The following ZNF609 variants were observed in gnomAD, a reference collection of about 807,000 sequenced individuals.
ZNF609 encodes zinc finger protein 609.
ZNF609 carries 11 observed loss-of-function variants against 109.5 expected under a neutral mutation model. The observed-to-expected ratio is 0.10, with a 90% CI of 0.06 to 0.17. The LOEUF is 0.17. Ranked by LOEUF, ZNF609 falls within the 10% of genes least tolerant of loss-of-function variation. The probability of loss-of-function intolerance (pLI) is 1.00; values close to 1 mark genes in which losing one functional copy is unlikely to be tolerated. For missense variants in ZNF609, 1,559 were observed against 1,772.4 expected, an observed-to-expected ratio of 0.88 and a Z score of 2.16; for synonymous variants, 646 against 662.0, an observed-to-expected ratio of 0.98 and a Z score of 0.37.
chr15:64,633,311 C>G (rs1461643917), intron 3 of ZNF609, among the ~76,000 whole-genome samples: 1 of 152,092 alleles, frequency 6.6e-6, no homozygotes, highest in Non-Finnish European at 1.5e-5. Context: ...CCCCATCTGG[C>G]TAATTTTGTA....
chr15:64,507,263 GC>G (rs545033073), intron 2 of ZNF609, among the ~76,000 whole-genome samples: 44 of 152,162 alleles, frequency 2.9e-4, no homozygotes, highest in Non-Finnish European at 5.3e-4. Context: ...CTAAGTCTTA[GC>G]CCTTAATCTT....
chr15:64,565,004 C>G (rs529097519), intron 2 of ZNF609, among the ~76,000 whole-genome samples: 2 of 150,606 alleles, frequency 1.3e-5, no homozygotes, highest in East Asian at 1.9e-4. Flanking sequence ...CCTGCCACCA[C>G]GCCTGGCTAA....
At chr15:64,555,500 C>T (rs1334757491) in intron 2 of ZNF609, among the ~76,000 whole-genome samples, 1 of 151,714 alleles carries the variant, frequency 6.6e-6, no homozygotes, top group African/African-American at 2.4e-5. Flanking sequence ...CTCGTCTCTA[C>T]TAAAAATACA....
At chr15:64,651,115 A>G (rs1896409840) in intron 3 of ZNF609, among the ~76,000 whole-genome samples, 1 of 152,142 alleles carries the variant, frequency 6.6e-6, no homozygotes, top group Non-Finnish European at 1.5e-5. Flanking sequence ...ACATATATAT[A>G]CATATATACA....
chr15:64,669,559 C>T (rs1041387553), intron 3 of ZNF609, among the ~76,000 whole-genome samples: 5 of 152,092 alleles, frequency 3.3e-5, no homozygotes, highest in African/African-American at 1.2e-4. Context: ...GGAAGGGACA[C>T]TTCATTTTAT....
At chr15:64,577,430 C>T (rs189402974) in intron 2 of ZNF609, among the ~76,000 whole-genome samples, 1 of 19,458 alleles carries the variant, frequency 5.1e-5, no homozygotes, top group Non-Finnish European at 1.8e-4. Context: ...AATATATACA[C>T]ATATATGTAT....
intron 2 of ZNF609, among the ~76,000 whole-genome samples, chr15:64,521,169 G>C (rs1893885799): frequency 6.6e-6 from 1 of 152,294 alleles, no homozygotes; most frequent in African/African-American, 2.4e-5. Context: ...CATGTCTTAA[G>C]AGGAGTCCAA....
chr15:64,467,568 C>T (rs938369781), intron 1 of ZNF609, among the ~76,000 whole-genome samples: 1 of 152,166 alleles, frequency 6.6e-6, no homozygotes, highest in Non-Finnish European at 1.5e-5. Flanking sequence ...GTGCCTTAGC[C>T]CGGTGCGGTG....
chr15:64,480,600 T>C (rs961535026), intron 1 of ZNF609, among the ~76,000 whole-genome samples: 4 of 152,010 alleles, frequency 2.6e-5, no homozygotes, highest in Admixed American at 1.3e-4. Flanking sequence ...GGAAGGAGAC[T>C]AACTGTTCAG....
chr15:64,677,222 C>G (rs1212981527), intron 5 of ZNF609, among the ~76,000 whole-genome samples: 2 of 151,884 alleles, frequency 1.3e-5, no homozygotes, highest in African/African-American at 4.8e-5. Flanking sequence ...TGCCACCACA[C>G]CCAGATGATG....
chr15:64,529,386 A>G, intron 2 of ZNF609: 1 of 744,418 alleles, frequency 1.3e-6, no homozygotes, highest in Non-Finnish European at 2.4e-6. Context: ...GAACTCTACG[A>G]CGTACTCAGC....
intron 2 of ZNF609, among the ~76,000 whole-genome samples, chr15:64,545,379 T>G (rs1894340262): frequency 6.6e-6 from 1 of 152,048 alleles, no homozygotes; most frequent in African/African-American, 2.4e-5. Flanking sequence ...TTGTACTTTT[T>G]GTAGAGATGG....
chr15:64,579,858 T>C (rs1288015555), intron 2 of ZNF609, among the ~76,000 whole-genome samples: 1 of 152,196 alleles, frequency 6.6e-6, no homozygotes, highest in Non-Finnish European at 1.5e-5. Context: ...GAGAAAAAAG[T>C]TATAAATAAA....
intron 2 of ZNF609, chr15:64,529,232 G>T: frequency 2.8e-6 from 2 of 718,400 alleles, no homozygotes; most frequent in South Asian, 1.4e-5. Flanking sequence ...CATTGCTGAC[G>T]ATCTTGAGGC....
intron 2 of ZNF609, chr15:64,528,662 G>A (rs760506618): frequency 9.8e-6 from 11 of 1,119,742 alleles, no homozygotes; most frequent in Non-Finnish European, 1.3e-5. Flanking sequence ...GGTGGTCCAG[G>A]GGTCTTACTC....
chr15:64,632,368 G>C (rs1425265772), intron 3 of ZNF609, among the ~76,000 whole-genome samples: 1 of 152,098 alleles, frequency 6.6e-6, no homozygotes, highest in Non-Finnish European at 1.5e-5. Context: ...TTTTTTAATA[G>C]TTGAAAAAAT....
At chr15:64,460,439 G>C (rs1167052132), upstream of ZNF609, among the ~76,000 whole-genome samples, 1 of 152,114 alleles carries the variant, frequency 6.6e-6, no homozygotes, top group African/African-American at 2.4e-5. Context: ...GGGTGAGCGC[G>C]CATTCCGAGA....
intron 1 of ZNF609, among the ~76,000 whole-genome samples, chr15:64,467,584 C>T (rs924470622): frequency 2.0e-5 from 3 of 152,204 alleles, no homozygotes; most frequent in African/African-American, 7.2e-5. Context: ...CGGTGGCTTA[C>T]GCCTCTAATC....
intron 1 of ZNF609, among the ~76,000 whole-genome samples, chr15:64,475,876 G>A (rs1677214096): frequency 6.6e-6 from 1 of 152,144 alleles, no homozygotes. Context: ...AAAAGAAATT[G>A]TGATTTTTTT....
Sources: gnomAD v4.1 joint callset for allele counts (sites outside exome capture counted in the v4.1 genomes callset) on GRCh38, gnomAD v4.1.1 for gene constraint, MANE v1.5 for transcripts, NCBI Gene and HGNC (gene_info 2026-07-23, HGNC 2026-07-21) for gene names.